Variants in UTP18 observed in about 807,000 individuals in gnomAD.
UTP18 encodes the protein U3 small nucleolar RNA-associated protein 18 homolog.
UTP18 carries 36 observed loss-of-function variants against 61.1 expected under a neutral mutation model. The observed-to-expected ratio is 0.59, with a 90% CI of 0.45 to 0.78. UTP18 has a LOEUF of 0.78. Among genes scored for constraint, UTP18 ranks in the 30% least tolerant of loss-of-function variants. The pLI is 0.00. For synonymous variants in UTP18, 282 were observed against 251.1 expected (o/e 1.12, Z -1.16); for missense variants, 753 against 693.9 (o/e 1.09, Z -0.96).
chr17:51,261,243 G>A (rs1463779556), intron 1 of UTP18, among the ~76,000 whole-genome samples: 1 of 152,226 alleles, frequency 6.6e-6, no homozygotes, highest in Admixed American at 6.5e-5. Context: ...CCCAAACTGA[G>A]GGTGGTCTTT....
intron 6 of UTP18, 136 bp from the exon 7 acceptor site, chr17:51,276,994 G>A (rs1026225020): frequency 1.2e-6 from 1 of 828,790 alleles, no homozygotes; most frequent in Admixed American, 2.8e-5. Flanking sequence ...TTAAATCACT[G>A]GCCGTGGCTG....
intron 3 of UTP18, 135 bp from the exon 4 acceptor site, chr17:51,268,702 T>A (rs1362450809): frequency 1.4e-6 from 1 of 697,832 alleles, no homozygotes; most frequent in Non-Finnish European, 2.4e-6. Flanking sequence ...CTTCTGTTCT[T>A]AAAGATAGTT....
intron 1 of UTP18, among the ~76,000 whole-genome samples, chr17:51,261,465 C>G (rs1485380539): frequency 6.6e-6 from 1 of 152,146 alleles, no homozygotes; most frequent in African/African-American, 2.4e-5. Context: ...ATGGCAAACC[C>G]TGCGTGATTG....
chr17:51,283,173 C>CT (rs769771406), intron 9 of UTP18, among the ~76,000 whole-genome samples: 3,564 of 130,182 alleles, frequency 0.027, 87 homozygotes, highest in Middle Eastern at 0.075. Context: ...CCAGCCACTT[C>CT]TTTTTTTTTT....
intron 5 of UTP18, among the ~76,000 whole-genome samples, chr17:51,273,831 C>G (rs1185098327): frequency 2.6e-5 from 4 of 152,074 alleles, no homozygotes. Context: ...TGGCATCAGC[C>G]TAGTTCATAC....
At chr17:51,296,671 A>G (rs1025447058) in intron 12 of UTP18, 5 of 280,948 alleles carry the variant, frequency 1.8e-5, no homozygotes, top group African/African-American at 8.8e-5. Context: ...GTTTCTAGCT[A>G]TACCAGTGAC....
intron 10 of UTP18, among the ~76,000 whole-genome samples, chr17:51,286,019 G>A (rs1905101798): frequency 6.6e-6 from 1 of 152,196 alleles, no homozygotes; most frequent in African/African-American, 2.4e-5. Context: ...TGAGGAGATA[G>A]AATAAGTAAC....
intron 10 of UTP18, among the ~76,000 whole-genome samples, chr17:51,287,418 A>G: frequency 6.6e-6 from 1 of 152,166 alleles, no homozygotes; most frequent in East Asian, 1.9e-4. Context: ...GACAGTAGGA[A>G]TGGCAGTGGG....
intron 2 of UTP18, among the ~76,000 whole-genome samples, chr17:51,265,061 CAT>C (rs2055546341): frequency 6.6e-6 from 1 of 152,110 alleles, no homozygotes; most frequent in Admixed American, 6.5e-5. Flanking sequence ...TAGTTCCTGA[CAT>C]ATTGAGAATT....
chr17:51,265,114 G>A (rs2055546946), intron 2 of UTP18, among the ~76,000 whole-genome samples: 1 of 152,018 alleles, frequency 6.6e-6, no homozygotes, highest in Admixed American at 6.6e-5. Context: ...GTTTTCCCCA[G>A]CTTTCTGTGC....
chr17:51,297,146 A>C (rs1905389356), intron 13 of UTP18, 143 bp downstream of exon 13: 3 of 695,122 alleles, frequency 4.3e-6, no homozygotes, highest in Non-Finnish European at 6.9e-6. Context: ...GGTTGGAAGT[A>C]GATCAGGAAC....
chr17:51,264,769 G>A (rs536418157), intron 2 of UTP18, among the ~76,000 whole-genome samples: 2 of 150,556 alleles, frequency 1.3e-5, no homozygotes, highest in South Asian at 4.2e-4. Context: ...TGCAACCTCC[G>A]CCTCCCAGGT....
At chr17:51,290,482 T>G (rs1022301041) in intron 11 of UTP18, among the ~76,000 whole-genome samples, 6 of 152,104 alleles carry the variant, frequency 3.9e-5, no homozygotes, top group Non-Finnish European at 5.9e-5. Context: ...AGCATAGCAT[T>G]TTATTGCTAT....
chr17:51,260,601 G>A lies in UTP18; in HGVS notation c.17G>A (p.Arg6Lys), dbSNP rs931751834. ...AACCTAACGATGCCGCCGGAGCGGA[G>A]GAGACGAATGAAACTGGACCGGAGA... is the stretch of plus-strand genomic sequence containing the variant. MPPER[R>K]RRMKLDRRTG... The change falls in exon 1 of 14, where the codon AGG (arginine) becomes AAG (lysine). Residue 6 changes from arginine (R) to lysine (K), a missense_variant. Physicochemically the swap from Arg to Lys is conservative, Grantham distance 26. Transcript: ENST00000225298. 6.2e-7 allele frequency: 1 copy of A among 1,612,570 alleles called. No individual in the cohort carries two copies. The highest frequency in any genetic ancestry group is 8.5e-7 in the Non-Finnish European group (1 of 1,179,668).
chr17:51,277,831 A>T (rs564110647), intron 7 of UTP18, among the ~76,000 whole-genome samples: 2 of 152,310 alleles, frequency 1.3e-5, no homozygotes, highest in East Asian at 1.9e-4. Flanking sequence ...TCTGCCCTCT[A>T]CCATACCCAT....
Position 51,287,633 on chromosome 17 carries a change from A to G in UTP18, c.1329-396A>G, listed in dbSNP as rs567005164. On this transcript the variant is annotated intron_variant, in intron 10 of 13. Coordinates refer to ENST00000225298, the MANE Select transcript of UTP18 (RefSeq NM_016001.3). Reference sequence around the variant, plus strand: ...CCACAAACCTTTAGGAATGCAGTGCATAATTAGGACTAAAGGCACTGATTT... The same window carrying G: ...CCACAAACCTTTAGGAATGCAGTGCGTAATTAGGACTAAAGGCACTGATTT... Among the ~76,000 whole-genome samples, 3 of 152,320 alleles carry G rather than the reference A, an allele frequency of 2.0e-5. No homozygotes were observed. The South Asian group carries it at 6.2e-4, about 32-fold the overall frequency.
chr17:51,297,054 T>C, intron 13 of UTP18, 51 bp downstream of exon 13: 2 of 1,483,314 alleles, frequency 1.3e-6, no homozygotes, highest in Middle Eastern at 1.8e-4. Flanking sequence ...ATACACCCAT[T>C]GCTGTCAGTT....
intron 3 of UTP18, among the ~76,000 whole-genome samples, chr17:51,267,779 T>G (rs1013552060): frequency 4.6e-5 from 7 of 152,068 alleles, no homozygotes; most frequent in African/African-American, 1.4e-4. Flanking sequence ...GGGGAAAATT[T>G]GTGGTGGTGA....
At chr17:51,270,281 A>G (rs1904482998) in intron 4 of UTP18, among the ~76,000 whole-genome samples, 1 of 152,068 alleles carries the variant, frequency 6.6e-6, no homozygotes, top group Admixed American at 6.6e-5. Context: ...TTTTTCTCTC[A>G]TTTGGGAAGC....
Sources: allele counts gnomAD v4.1 joint callset (sites outside exome capture counted in the v4.1 genomes callset), GRCh38; gene constraint gnomAD v4.1.1; transcripts MANE v1.5; gene names NCBI Gene and HGNC (gene_info 2026-07-23, HGNC 2026-07-21).